Variants in DLG5 observed in about 807,000 individuals in gnomAD.
The protein encoded by DLG5 is discs large MAGUK scaffold protein 5, also known as disks large homolog 5.
DLG5 carries 48 observed loss-of-function variants against 189.8 expected under a neutral mutation model. The observed-to-expected ratio is 0.25, with a 90% CI of 0.20 to 0.32. DLG5 has a LOEUF of 0.32. Among genes scored for constraint, DLG5 ranks in the 10% least tolerant of loss-of-function variants. DLG5 has a pLI of 1.00. For synonymous variants in DLG5, 1,016 were observed against 1,054.1 expected, an observed-to-expected ratio of 0.96 and a Z score of 0.70; for missense variants, 2,160 against 2,544.7, an observed-to-expected ratio of 0.85 and a Z score of 3.25.
At position 77,896,767 on chromosome 10, in the gene DLG5, T is replaced by C. The variant is rs189923609; in HGVS notation, c.305-27570A>G. ...CCAGGAGGCAGAGGTTGCAGTGAGC[T>C]GAGATCACACCATTGCACTCCAGCC... On this transcript the variant is annotated intron_variant, in intron 1 of 31. Coordinates refer to ENST00000372391, the MANE Select transcript of DLG5 (RefSeq NM_004747.4). Among the ~76,000 whole-genome samples, 777 of 151,164 alleles carry C rather than the reference T, an allele frequency of 5.1e-3. 5 individuals carry two copies. Among genetic ancestry groups the C allele is most frequent in the South Asian group, 0.024 (117 of 4,796 alleles).
chr10:77,838,685 C>T (rs1843268410), intron 7 of DLG5, among the ~76,000 whole-genome samples: 1 of 152,190 alleles, frequency 6.6e-6, no homozygotes, highest in Admixed American at 6.5e-5. Context: ...GCCCAGCCCT[C>T]GGGCTGAGCA....
chr10:77,846,001 T>C (rs147976929), intron 5 of DLG5, among the ~76,000 whole-genome samples: 3,400 of 150,448 alleles, frequency 0.023, 134 homozygotes, highest in African/African-American at 0.08. Flanking sequence ...TCCCAGCACT[T>C]TGGGAAGCCG....
At chr10:77,826,858 T>C (rs866391845) in intron 13 of DLG5, among the ~76,000 whole-genome samples, 26 of 148,830 alleles carry the variant, frequency 1.7e-4, no homozygotes, top group Middle Eastern at 3.8e-3. Flanking sequence ...TGAAGCAGGA[T>C]AGTTACTTGA....
intron 13 of DLG5, among the ~76,000 whole-genome samples, chr10:77,825,706 C>T (rs899405099): frequency 6.6e-6 from 1 of 151,972 alleles, no homozygotes; most frequent in South Asian, 2.1e-4. Context: ...CAGATGTATG[C>T]CTCCATGCCC....
At chr10:77,934,711 C>G in the DLG5 span, among the ~76,000 whole-genome samples, 1 of 152,284 alleles carries the variant, frequency 6.6e-6, no homozygotes, top group South Asian at 2.1e-4. Flanking sequence ...TGGATTCTTC[C>G]CAGAGCCCTG....
Position 77,841,866 on chromosome 10 carries a change from G to A in DLG5, c.1437+15C>T, listed in dbSNP as rs371963113. 26 of 1,599,346 alleles carry A rather than the reference G, an allele frequency of 1.6e-5. No individual in the cohort carries two copies. Among genetic ancestry groups the A allele is most frequent in the Non-Finnish European group, 1.9e-5 (22 of 1,171,524 alleles). On this transcript the variant is annotated intron_variant, in intron 7 of 31. Transcript: ENST00000372391. Reference sequence around the variant, plus strand: ...TAGGAGAGGCTGAAAGCCAGCCACCGGCCCACCCACCTACCTGCCGCAGCG... The same window carrying A: ...TAGGAGAGGCTGAAAGCCAGCCACCAGCCCACCCACCTACCTGCCGCAGCG...
chr10:77,794,283 G>A (rs1372262980), intron 30 of DLG5, among the ~76,000 whole-genome samples, 166 bp from the exon 31 acceptor site: 16 of 152,212 alleles, frequency 1.1e-4, no homozygotes. Context: ...GGCTGTCGGG[G>A]GAGCTCTGGG....
chr10:77,829,572 G>A (rs1842803575), intron 11 of DLG5, 42 bp from the exon 12 acceptor site: 1 of 1,549,486 alleles, frequency 6.5e-7, no homozygotes. Flanking sequence ...CACAGGCTGT[G>A]GGACCAGCGG....
In DLG5 at chr10:77,926,502, C is replaced by G. The variant is rs1010021674; in HGVS notation, c.19G>C (p.Glu7Gln). Residue 7 changes from glutamate to glutamine, a missense_variant, in exon 1 of 32, where the codon GAG becomes CAG. Around this residue, in one of 5 missense-constraint regions of DLG5, gnomAD observed 664 missense variants for 838.5 expected, o/e 0.79. Transcript: ENST00000372391. This position sits in a 1 kb window ranked among gnomAD's most constrained non-coding sequence, Gnocchi z 5.2. The stretch of plus-strand genomic sequence containing the variant: ...CTCTGCTGACACTGGGCGAGCAGCT[C>G]CCGGCGCTGGGGCTCCATGGTGGCG... Reference protein sequence around the residue: MEPQRRELLAQCQQSLA... With the variant: MEPQRRQLLAQCQQSLA... 5 of 1,370,748 alleles carry G rather than the reference C, an allele frequency of 3.6e-6. No individual in the cohort carries two copies. The highest frequency in any genetic ancestry group is 4.7e-6 in the Non-Finnish European group (5 of 1,057,146). The allele number at this position is 1,370,748 out of a possible 1,614,324, so 84.9% of individuals were successfully genotyped here. A position where few individuals can be genotyped will look rare whatever the true frequency, so the allele number is the denominator to read the frequency against.
At position 77,894,050 on chromosome 10, in the gene DLG5, G is replaced by A. The variant is rs369957661; in HGVS notation, c.305-24853C>T. Among the ~76,000 whole-genome samples the A allele has an allele frequency of 1.6e-4, 24 of 152,348 alleles. 3 individuals carry two copies. Among genetic ancestry groups the A allele is most frequent in the East Asian group, 9.6e-4 (5 of 5,194 alleles). On this transcript the variant is annotated intron_variant, in intron 1 of 31. Transcript: ENST00000372391. ...AGGCCTCACATAGGAAGCTGTGGGTGGAAGATGGTGCGTTTCTACTGCCTG... is the reference window on the plus strand; with the variant it reads ...AGGCCTCACATAGGAAGCTGTGGGTAGAAGATGGTGCGTTTCTACTGCCTG...
At chr10:77,929,703 A>C (rs571396394), upstream of DLG5, 2 of 152,228 alleles carry the variant, frequency 1.3e-5, no homozygotes, top group African/African-American at 4.8e-5. Flanking sequence ...CCACCACCGG[A>C]AGCTAGGGGA....
chr10:77,839,390 A>C (rs1843309299), intron 7 of DLG5, among the ~76,000 whole-genome samples: 1 of 152,098 alleles, frequency 6.6e-6, no homozygotes, highest in African/African-American at 2.4e-5. Context: ...AATCCCAGCT[A>C]CTCAGGAGGC....
chr10:77,870,068 G>A (rs908625112), intron 1 of DLG5, among the ~76,000 whole-genome samples: 1 of 149,086 alleles, frequency 6.7e-6, no homozygotes, highest in African/African-American at 2.5e-5. Context: ...GGAAACAGAA[G>A]GTACACTTTG....
intron 5 of DLG5, among the ~76,000 whole-genome samples, chr10:77,847,275 A>T (rs943792368): frequency 8.5e-5 from 13 of 152,198 alleles, no homozygotes; most frequent in African/African-American, 3.1e-4. Context: ...CACCACGATG[A>T]CGGCCACCCT....
chr10:77,888,685 G>T (rs1457581820), intron 1 of DLG5, among the ~76,000 whole-genome samples: 1 of 152,156 alleles, frequency 6.6e-6, no homozygotes, highest in Non-Finnish European at 1.5e-5. Context: ...CCAACACCGT[G>T]TGCCAAGCAA....
In DLG5 at chr10:77,835,732, C is replaced by A; in HGVS notation, c.1622+6G>T. 1 of 1,607,524 alleles carries A rather than the reference C, an allele frequency of 6.2e-7. No homozygotes were observed. Among genetic ancestry groups the A allele is most frequent in the Non-Finnish European group, 8.5e-7 (1 of 1,178,160 alleles). On this transcript the variant is annotated splice_donor_region_variant and intron_variant, in intron 8 of 31. Transcript: ENST00000372391. ...AAGCCCACGCCAGCTTGAGGTCACC[C>A]CATACCGGATGCTGTCACGCTCTGC... is the stretch of plus-strand genomic sequence containing the variant.
At position 77,926,033 on chromosome 10, in the gene DLG5, G is replaced by A. The variant is rs1214853673; in HGVS notation, c.304+184C>T. Among the ~76,000 whole-genome samples, 5 of 152,210 alleles carry A rather than the reference G, an allele frequency of 3.3e-5. No individual in the cohort carries two copies. Among genetic ancestry groups the A allele is most frequent in the African/African-American group, 1.2e-4 (5 of 41,460 alleles). Reference sequence around the variant, plus strand: ...GGGGCATTGTTCACAGCGAACGGCGGGACTGGGGGAGGCGGCGGGACTTCG... The same window carrying A: ...GGGGCATTGTTCACAGCGAACGGCGAGACTGGGGGAGGCGGCGGGACTTCG... On this transcript the variant is annotated intron_variant, in intron 1 of 31. Transcript: ENST00000372391. This position sits in a 1 kb window ranked among gnomAD's most constrained non-coding sequence, Gnocchi z 5.2.
At chr10:77,918,159 C>T (rs748029388) in intron 1 of DLG5, among the ~76,000 whole-genome samples, 4 of 151,792 alleles carry the variant, frequency 2.6e-5, no homozygotes, top group African/African-American at 4.8e-5. Flanking sequence ...GCCTGTAATC[C>T]CAGCACTTTG....
chr10:77,864,925 C>T (rs1844613105), intron 2 of DLG5, among the ~76,000 whole-genome samples: 1 of 152,174 alleles, frequency 6.6e-6, no homozygotes, highest in African/African-American at 2.4e-5. Flanking sequence ...GACTTGCTTT[C>T]GAACCCTTGA....
Sources: gnomAD v4.1 joint callset for allele counts (sites outside exome capture counted in the v4.1 genomes callset) on GRCh38, gnomAD v4.1.1 for gene constraint, gnomAD v4.1.1 regional missense constraint, Gnocchi (gnomAD v3.1) non-coding constraint, MANE v1.5 for transcripts, NCBI Gene and HGNC (gene_info 2026-07-23, HGNC 2026-07-21) for gene names.